The following EFR3B variants were observed in gnomAD, a reference collection of about 807,000 sequenced individuals.
EFR3B encodes protein EFR3 homolog B.
A neutral mutation model predicts 104.7 loss-of-function variants in EFR3B; 64 were observed. The observed-to-expected ratio is 0.61, with a 90% CI of 0.50 to 0.75. The LOEUF (loss-of-function observed/expected upper bound fraction) is 0.75. EFR3B is among the 30% of genes least tolerant of loss of function. The probability of loss-of-function intolerance (pLI) is 0.00; values close to 1 mark genes in which losing one functional copy is unlikely to be tolerated. For missense variants in EFR3B, 750 were observed against 1,078.5 expected (o/e 0.70, Z 4.27); for synonymous variants, 385 against 417.9 (o/e 0.92, Z 0.96).
rs1397807571 is a variant in EFR3B, at chr2:25,137,207, G to A, written c.1561-134G>A. ...TGCTTCTGCCAGAGCCCGCTTTAAA[G>A]GCATCCCCTCCCCAAGGGAGGAGGG... On this transcript the variant is annotated intron_variant, in intron 14 of 22. Coordinates refer to ENST00000403714, the MANE Select transcript of EFR3B (RefSeq NM_014971.2). The surrounding 1 kb of genome is among the most constrained non-coding windows in gnomAD (Gnocchi z 4.7). The A allele has an allele frequency of 2.9e-6, 3 of 1,025,724 alleles. No homozygotes were observed. Among genetic ancestry groups the A allele is most frequent in the Non-Finnish European group, 4.2e-6 (3 of 710,450 alleles). The allele number at this position is 1,025,724 out of a possible 1,614,324, so 63.5% of individuals were successfully genotyped here. A position where few individuals can be genotyped will look rare whatever the true frequency, so the allele number is the denominator to read the frequency against.
intron 1 of EFR3B, among the ~76,000 whole-genome samples, chr2:25,085,718 G>A (rs1005537841): frequency 1.8e-4 from 28 of 151,948 alleles, no homozygotes; most frequent in African/African-American, 6.5e-4. Flanking sequence ...GCCTGCCTCA[G>A]CCTCCCAAAG....
chr2:25,148,964 T>C (rs1345383728), intron 19 of EFR3B, among the ~76,000 whole-genome samples: 1 of 150,976 alleles, frequency 6.6e-6, no homozygotes, highest in East Asian at 2.0e-4. Flanking sequence ...AGAACTGATA[T>C]TCAGTTCCTG....
chr2:25,052,857 A>T (rs1021338326), intron 1 of EFR3B, among the ~76,000 whole-genome samples: 19 of 152,166 alleles, frequency 1.2e-4, no homozygotes. Flanking sequence ...TGTCTGTACT[A>T]AGCAGTTTTT....
intron 5 of EFR3B, 131 bp downstream of exon 5, chr2:25,121,925 G>A: frequency 7.6e-7 from 1 of 1,308,138 alleles, no homozygotes; most frequent in Non-Finnish European, 1.0e-6. Context: ...ATGTTGCCGG[G>A]CAGGTGGGCC....
At chr2:25,053,292 A>G (rs1343413704) in intron 1 of EFR3B, among the ~76,000 whole-genome samples, 2 of 152,356 alleles carry the variant, frequency 1.3e-5, no homozygotes, top group East Asian at 3.9e-4. Flanking sequence ...AAGAGAAAGA[A>G]AGGCCCCAGG....
At chr2:25,134,961 C>T (rs926017567) in intron 12 of EFR3B, among the ~76,000 whole-genome samples, 2 of 152,194 alleles carry the variant, frequency 1.3e-5, no homozygotes, top group East Asian at 1.9e-4. Context: ...AGTCACAAAG[C>T]GCCATTATTG....
chr2:25,048,598 C>CA (rs1017869155), intron 1 of EFR3B, among the ~76,000 whole-genome samples: 1 of 151,328 alleles, frequency 6.6e-6, no homozygotes, highest in Admixed American at 6.6e-5. Flanking sequence ...TTGTGGGTGG[C>CA]AAGCCACCCA....
At chr2:25,075,286 G>A (rs1238377426) in intron 1 of EFR3B, among the ~76,000 whole-genome samples, 6 of 152,132 alleles carry the variant, frequency 3.9e-5, no homozygotes, top group South Asian at 4.1e-4. Flanking sequence ...CTGTGTGATC[G>A]TAGGCAAATT....
chr2:25,141,558 G>A (rs1380558698), intron 17 of EFR3B, 125 bp downstream of exon 17: 2 of 983,982 alleles, frequency 2.0e-6, no homozygotes, highest in East Asian at 2.8e-5. Context: ...AGGGCAGAAG[G>A]TGGGCTCTGC....
At chr2:25,143,597 T>A (rs1374255846) in intron 17 of EFR3B, 138 bp from the exon 18 acceptor site, 6 of 1,073,798 alleles carry the variant, frequency 5.6e-6, no homozygotes, top group Non-Finnish European at 7.8e-6. Flanking sequence ...AAGGCGGAGG[T>A]TGCAATGAGC....
intron 5 of EFR3B, among the ~76,000 whole-genome samples, chr2:25,125,168 T>C (rs1159577304): frequency 6.6e-6 from 1 of 152,230 alleles, no homozygotes; most frequent in Non-Finnish European, 1.5e-5. Context: ...TGTCACAGAA[T>C]GAATCGTGCA....
At chr2:25,097,957 G>T (rs1353498663) in intron 3 of EFR3B, among the ~76,000 whole-genome samples, 3 of 152,154 alleles carry the variant, frequency 2.0e-5, no homozygotes, top group African/African-American at 7.2e-5. Context: ...GATGGAGATG[G>T]CCATGCCAGA....
intron 1 of EFR3B, chr2:25,080,629 A>C (rs1266911200): frequency 1.7e-6 from 1 of 585,834 alleles, no homozygotes; most frequent in East Asian, 2.8e-5. Context: ...GGCCATGGCC[A>C]AACCAGCACC....
At chr2:25,111,561 C>T (rs1288327358) in intron 4 of EFR3B, among the ~76,000 whole-genome samples, 2 of 152,200 alleles carry the variant, frequency 1.3e-5, no homozygotes, top group Non-Finnish European at 2.9e-5. Context: ...ATCCCTGGAA[C>T]CTGTGAATGC....
intron 1 of EFR3B, among the ~76,000 whole-genome samples, chr2:25,076,713 T>C (rs888118498): frequency 5.9e-5 from 9 of 152,230 alleles, no homozygotes; most frequent in Admixed American, 5.9e-4. Context: ...TCATGAAGAA[T>C]TGAAGCCCTG....
chr2:25,083,049 ATG>A (rs1365444895), intron 1 of EFR3B, among the ~76,000 whole-genome samples: 1 of 152,184 alleles, frequency 6.6e-6, no homozygotes, highest in Non-Finnish European at 1.5e-5. Context: ...TGCCAAAATC[ATG>A]TGTCATTGAA....
chr2:25,126,037 T>C (rs1670158836), intron 5 of EFR3B, among the ~76,000 whole-genome samples: 1 of 152,230 alleles, frequency 6.6e-6, no homozygotes, highest in Non-Finnish European at 1.5e-5. Flanking sequence ...CTACAAAATG[T>C]GAGGATTTTT....
intron 1 of EFR3B, among the ~76,000 whole-genome samples, chr2:25,085,613 C>T (rs1255321656): frequency 6.6e-6 from 1 of 151,924 alleles, no homozygotes; most frequent in Admixed American, 6.6e-5. Context: ...TACAGGCCTG[C>T]ACCACCACAC....
In EFR3B at chr2:25,155,857, A is replaced by AT. The variant is rs879787712; in HGVS notation, c.*1530dup. 2,149 of 146,470 alleles carry AT rather than the reference A, an allele frequency of 0.015. 43 individuals are homozygous for AT. The highest frequency in any genetic ancestry group is 0.047 in the African/African-American group (1,903 of 40,186). The allele number at this position is 146,470 out of a possible 1,614,324, so 9.1% of individuals were successfully genotyped here. Reference sequence around the variant, plus strand: ...CTTGATCCAAAGGAATCCGTTTTTAATTTTTTTTTTTTTCTAGAGATGGGG... The same window carrying AT: ...CTTGATCCAAAGGAATCCGTTTTTAATTTTTTTTTTTTTTCTAGAGATGGGG... On this transcript the variant is annotated 3_prime_UTR_variant, in exon 23 of 23. Coordinates refer to ENST00000403714, the MANE Select transcript of EFR3B (RefSeq NM_014971.2).
Sources: gnomAD v4.1 joint callset for allele counts (sites outside exome capture counted in the v4.1 genomes callset) on GRCh38, gnomAD v4.1.1 for gene constraint, Gnocchi (gnomAD v3.1) non-coding constraint, MANE v1.5 for transcripts, NCBI Gene and HGNC (gene_info 2026-07-23, HGNC 2026-07-21) for gene names.